Variants in APBB1IP observed in about 807,000 individuals in gnomAD.
APBB1IP encodes amyloid beta precursor protein binding family B member 1 interacting protein, also known as amyloid beta A4 precursor protein-binding family B member 1-interacting protein.
In APBB1IP, 27 loss-of-function variants were observed where a neutral mutation model predicts 64.9. That is an observed-to-expected ratio of 0.42 (90% CI 0.31 to 0.57). The LOEUF (loss-of-function observed/expected upper bound fraction) is 0.57. APBB1IP is among the 20% of genes least tolerant of loss of function. The probability of loss-of-function intolerance (pLI) is 0.20; values close to 1 mark genes in which losing one functional copy is unlikely to be tolerated. For missense variants in APBB1IP, 812 were observed against 845.5 expected (o/e 0.96, Z 0.49); for synonymous variants, 392 against 331.0 (o/e 1.18, Z -2.00).
intron 6 of APBB1IP, among the ~76,000 whole-genome samples, chr10:26,508,037 G>A (rs1168710006): frequency 6.6e-6 from 1 of 152,158 alleles, no homozygotes; most frequent in Non-Finnish European, 1.5e-5. Context: ...AGAAAATTAC[G>A]AAGACAAGTT....
chr10:26,513,131 T>G (rs1395243547), intron 7 of APBB1IP, among the ~76,000 whole-genome samples: 1 of 152,214 alleles, frequency 6.6e-6, no homozygotes, highest in Non-Finnish European at 1.5e-5. Flanking sequence ...GAAAAAAGTA[T>G]GTCTCTGGGT....
intron 4 of APBB1IP, 128 bp downstream of exon 4, chr10:26,496,519 G>A: frequency 1.3e-6 from 1 of 747,306 alleles, no homozygotes; most frequent in Non-Finnish European, 2.1e-6. Flanking sequence ...TTAAAATCAT[G>A]GATTTCAGAC....
chr10:26,461,626 A>G (rs1008501019), intron 2 of APBB1IP, among the ~76,000 whole-genome samples: 1 of 151,978 alleles, frequency 6.6e-6, no homozygotes, highest in African/African-American at 2.4e-5. Flanking sequence ...TTGGGGATCT[A>G]ATTGAAGTTG....
intron 3 of APBB1IP, among the ~76,000 whole-genome samples, chr10:26,495,103 G>A (rs1243751585): frequency 6.6e-6 from 1 of 151,506 alleles, no homozygotes; most frequent in East Asian, 2.0e-4. Context: ...CGCCTCCCAG[G>A]TTCAAGCGAT....
chr10:26,513,507 G>A (rs760655329), intron 7 of APBB1IP, 32 bp from the exon 8 acceptor site: 2 of 1,609,690 alleles, frequency 1.2e-6, no homozygotes, highest in East Asian at 2.2e-5. Context: ...GATGTCTTGG[G>A]TCTGAAAGAA....
At chr10:26,530,356 CCCGGCT>C (rs1300886063) in intron 8 of APBB1IP, among the ~76,000 whole-genome samples, 1 of 151,448 alleles carries the variant, frequency 6.6e-6, no homozygotes, top group Non-Finnish European at 1.5e-5. Flanking sequence ...TGCCATTATG[CCCGGCT>C]CTGTACTTAA....
At chr10:26,513,455 A>T in intron 7 of APBB1IP, 84 bp from the exon 8 acceptor site, 1 of 1,491,426 alleles carries the variant, frequency 6.7e-7, no homozygotes, top group South Asian at 1.2e-5. Context: ...AAAGTCATGA[A>T]GCATTAACTC....
intron 2 of APBB1IP, among the ~76,000 whole-genome samples, chr10:26,474,089 A>G (rs2132417214): frequency 6.7e-6 from 1 of 148,836 alleles, no homozygotes; most frequent in African/African-American, 2.5e-5. Flanking sequence ...ATTTTTTTTA[A>G]TGTTCTCCAG....
At chr10:26,520,313 C>T (rs1836387566) in intron 8 of APBB1IP, among the ~76,000 whole-genome samples, 1 of 151,736 alleles carries the variant, frequency 6.6e-6, no homozygotes, top group African/African-American at 2.4e-5. Flanking sequence ...TTATAAATTA[C>T]CCACTGTCTG....
chr10:26,531,732 T>A (rs1035310971), intron 8 of APBB1IP, among the ~76,000 whole-genome samples: 1 of 152,176 alleles, frequency 6.6e-6, no homozygotes, highest in Non-Finnish European at 1.5e-5. Context: ...ATTTTAAACT[T>A]CTACATTTTA....
At chr10:26,555,725 A>G (rs1057123803) in intron 11 of APBB1IP, among the ~76,000 whole-genome samples, 8 of 152,104 alleles carry the variant, frequency 5.3e-5, no homozygotes, top group Admixed American at 3.3e-4. Context: ...CAGCATCTCT[A>G]GTAGCTGGAA....
At chr10:26,543,738 C>T (rs1187311884) in intron 11 of APBB1IP, among the ~76,000 whole-genome samples, 1 of 152,048 alleles carries the variant, frequency 6.6e-6, no homozygotes, top group Non-Finnish European at 1.5e-5. Flanking sequence ...GGCCAGGGCT[C>T]CTTTGGATGG....
chr10:26,450,959 G>A (rs535856060), intron 2 of APBB1IP, among the ~76,000 whole-genome samples: 21 of 152,142 alleles, frequency 1.4e-4, no homozygotes, highest in Non-Finnish European at 2.6e-4. Flanking sequence ...TCCTCCCAAA[G>A]TGTTGGGATT....
chr10:26,554,511 C>G (rs1836870746), intron 11 of APBB1IP, among the ~76,000 whole-genome samples: 1 of 152,206 alleles, frequency 6.6e-6, no homozygotes, highest in Non-Finnish European at 1.5e-5. Context: ...TTGTCTGTGT[C>G]TGTTTCTTCT....
intron 5 of APBB1IP, chr10:26,502,017 A>T (rs2132438335): frequency 6.6e-6 from 1 of 152,358 alleles, no homozygotes; most frequent in Admixed American, 6.5e-5. Flanking sequence ...CTCTTAATGT[A>T]TGGTCCATGA....
Position 26,513,612 on chromosome 10 carries a change from A to G in APBB1IP, c.765A>G (p.Ile255Met). 4 of 1,613,178 alleles carry G rather than the reference A, an allele frequency of 2.5e-6. No homozygotes were observed. The highest frequency in any genetic ancestry group is 1.7e-6 in the Non-Finnish European group (2 of 1,179,666). ...GGACAAGAGACACAGAAAATAAAAT[A>G]CTATTTTTGGAGAAAGAGGAGAAAT... ...SDWTRDTENK[I>M]LFLEKEEKYA... The change falls in exon 8 of 15, where the codon ATA becomes ATG. Residue 255 changes from isoleucine to methionine, a missense_variant. Ile to Met is a conservative substitution (Grantham distance 10). This residue lies in a region of APBB1IP where 394 missense variants were observed against 413.1 expected (regional missense o/e 0.95). Coordinates refer to ENST00000376236, the MANE Select transcript of APBB1IP (RefSeq NM_019043.4).
chr10:26,564,362 T>C (rs1837012445), intron 14 of APBB1IP, among the ~76,000 whole-genome samples: 1 of 152,240 alleles, frequency 6.6e-6, no homozygotes. Flanking sequence ...TGCTGGTTTC[T>C]ACCAATAGCA....
At chr10:26,459,989 A>G (rs1199251154) in intron 2 of APBB1IP, among the ~76,000 whole-genome samples, 2 of 152,190 alleles carry the variant, frequency 1.3e-5, no homozygotes, top group Non-Finnish European at 2.9e-5. Context: ...CTATTTACTT[A>G]GTCTTAAAAA....
At chr10:26,564,939 A>C (rs1417600470) in intron 14 of APBB1IP, among the ~76,000 whole-genome samples, 8 of 152,226 alleles carry the variant, frequency 5.3e-5, no homozygotes, top group African/African-American at 1.9e-4. Flanking sequence ...GCTGGAGCCA[A>C]GCTTGTAATC....
Sources: allele counts gnomAD v4.1 joint callset (sites outside exome capture counted in the v4.1 genomes callset), GRCh38; gene constraint gnomAD v4.1.1; regional missense constraint gnomAD v4.1.1; transcripts MANE v1.5; gene names NCBI Gene and HGNC (gene_info 2026-07-23, HGNC 2026-07-21).